ZMAT4: variants seen among roughly 807,000 people sequenced by gnomAD.
ZMAT4 encodes the protein zinc finger matrin-type protein 4.
Under a neutral mutation model 28.7 loss-of-function variants are expected in ZMAT4, and 17 were observed. That is an observed-to-expected ratio of 0.59 (90% confidence interval 0.41 to 0.89). The LOEUF is 0.89. Ranked by LOEUF, ZMAT4 falls within the 40% of genes least tolerant of loss-of-function variation. ZMAT4 has a pLI of 0.00. For missense variants in ZMAT4, 240 were observed against 283.8 expected, an observed-to-expected ratio of 0.85 and a Z score of 1.11; for synonymous variants, 117 against 109.2, an observed-to-expected ratio of 1.07 and a Z score of -0.44.
At chr8:40,568,009 A>G (rs942877051) in intron 6 of ZMAT4, among the ~76,000 whole-genome samples, 2 of 152,166 alleles carry the variant, frequency 1.3e-5, no homozygotes, top group Non-Finnish European at 2.9e-5. Context: ...GGGAAGAAAA[A>G]TAACCTTCCT....
intron 5 of ZMAT4, among the ~76,000 whole-genome samples, chr8:40,596,050 C>T (rs1805090654): frequency 1.3e-5 from 2 of 152,112 alleles, no homozygotes; most frequent in Admixed American, 1.3e-4. Flanking sequence ...CAAGATCGTG[C>T]CATTGCAGTC....
At chr8:40,672,040 T>C (rs938425636) in intron 5 of ZMAT4, among the ~76,000 whole-genome samples, 2 of 152,066 alleles carry the variant, frequency 1.3e-5, no homozygotes, top group African/African-American at 4.8e-5. Flanking sequence ...AAACCAGACA[T>C]AAATGCCTGC....
chr8:40,767,650 C>A lies in ZMAT4; in HGVS notation c.183G>T (p.Arg61=), dbSNP rs765998372. The change falls in exon 3 of 7, where the codon CGG becomes CGT. Residue 61 remains arginine (R), a synonymous_variant. Coordinates refer to ENST00000297737, the MANE Select transcript of ZMAT4 (RefSeq NM_024645.3). ...GGTACCAGATACTCACATTTTCTGA[C>A]CGGAGCCTCTTGGCAGGACACCCTC... ...RDGGCPAKRL[R]SENGSDADMV... The A allele has an allele frequency of 6.2e-7, 1 of 1,612,520 alleles. No individual in the cohort carries two copies. The highest frequency in any genetic ancestry group is 1.7e-5 in the Admixed American group (1 of 59,660).
At chr8:40,650,505 G>A (rs1025514715) in intron 5 of ZMAT4, among the ~76,000 whole-genome samples, 1 of 127,544 alleles carries the variant, frequency 7.8e-6, no homozygotes, top group Non-Finnish European at 1.7e-5. Flanking sequence ...GTACAAGGAG[G>A]AACTGGTACC....
At chr8:40,820,805 G>GGGGAT (rs1213006639) in intron 2 of ZMAT4, among the ~76,000 whole-genome samples, 70 of 112,526 alleles carry the variant, frequency 6.2e-4, no homozygotes, top group African/African-American at 1.8e-3. Flanking sequence ...GTGTATATAT[G>GGGGAT]TGTGGGTGTG....
At chr8:40,652,368 C>G (rs1331486817) in intron 5 of ZMAT4, among the ~76,000 whole-genome samples, 48 of 123,152 alleles carry the variant, frequency 3.9e-4, no homozygotes, top group African/African-American at 1.3e-3. Context: ...AAATGCAAAT[C>G]AAAACCACAA....
chr8:40,537,478 T>A (rs2118362964), intron 6 of ZMAT4, among the ~76,000 whole-genome samples: 1 of 152,286 alleles, frequency 6.6e-6, no homozygotes, highest in Middle Eastern at 3.4e-3. Flanking sequence ...CTCTTCTGCT[T>A]CCTAATACAT....
chr8:40,771,108 G>A (rs111703238), intron 2 of ZMAT4, among the ~76,000 whole-genome samples: 1,716 of 152,118 alleles, frequency 0.011, 22 homozygotes, highest in African/African-American at 0.038. Context: ...TAAAGCAGCC[G>A]TGGCATGCCC....
intron 5 of ZMAT4, among the ~76,000 whole-genome samples, chr8:40,606,193 G>A (rs1171649468): frequency 6.6e-6 from 1 of 152,150 alleles, no homozygotes; most frequent in Non-Finnish European, 1.5e-5. Context: ...ATTGAGATGA[G>A]AGGTACTATT....
rs545890863 is a variant in ZMAT4 at position 40,772,573 on chromosome 8, TAATGCTTCAGGCAGTCTTCAAA to T, written c.103-4865_103-4844del. 3.3e-3 allele frequency among the ~76,000 whole-genome samples: 501 copies of T among 152,370 alleles called. 3 individuals carry two copies. Among genetic ancestry groups the T allele is most frequent in the Non-Finnish European group, 6.0e-3 (410 of 68,040 alleles). ...ATAACAAAGCAACCTTGTATTTGCATAATGCTTCAGGCAGTCTTCAAAGTCCTTCCACCTTCATCATCTTATT... is the reference window on the plus strand; with the variant it reads ...ATAACAAAGCAACCTTGTATTTGCATGTCCTTCCACCTTCATCATCTTATT... On this transcript the variant is annotated intron_variant, in intron 2 of 6. Coordinates refer to ENST00000297737, the MANE Select transcript of ZMAT4 (RefSeq NM_024645.3).
intron 1 of ZMAT4, among the ~76,000 whole-genome samples, chr8:40,882,606 C>T (rs1219783261): frequency 6.6e-6 from 1 of 152,146 alleles, no homozygotes; most frequent in African/African-American, 2.4e-5. Flanking sequence ...TGCCTGCTGC[C>T]ACCACCACCA....
rs534616834 is a variant in ZMAT4 at position 40,681,125 on chromosome 8, C to T, written c.350-6194G>A. ...GAGATGAACCCACTAGTGTAGAGTC[C>T]CTTGATTAATAAGCAGCAGAGGAAG... On this transcript the variant is annotated intron_variant, in intron 4 of 6. Coordinates refer to ENST00000297737, the MANE Select transcript of ZMAT4 (RefSeq NM_024645.3). Among the ~76,000 whole-genome samples, 6 of 152,116 alleles carry T rather than the reference C, an allele frequency of 3.9e-5. No individual in the cohort carries two copies. The South Asian group carries it at 6.2e-4, about 16-fold the overall frequency.
rs1805871721 is a variant in ZMAT4, at chr8:40,613,239, G to C, written c.578-31978C>G. 5.5e-5 allele frequency among the ~76,000 whole-genome samples: 7 copies of C among 126,772 alleles called. No individual in the cohort carries two copies. In the South Asian group the frequency reaches 1.9e-3, roughly 34 times the overall value. The allele number at this position is 126,772 out of a possible 152,430, so 83.2% of individuals were successfully genotyped here. A position where few individuals can be genotyped will look rare whatever the true frequency, so the allele number is the denominator to read the frequency against. ...ACTCTGTCACTCAGGCTGGAGTACA[G>C]CAGTGGGATCTCAGCTCACTGAAAC... On this transcript the variant is annotated intron_variant, in intron 5 of 6. Transcript: ENST00000297737.
intron 6 of ZMAT4, among the ~76,000 whole-genome samples, chr8:40,544,981 G>A (rs931272256): frequency 3.9e-5 from 6 of 152,104 alleles, no homozygotes; most frequent in African/African-American, 1.2e-4. Flanking sequence ...CCAAGATTAG[G>A]TTATAAAATA....
chr8:40,704,619 G>C (rs763904263), intron 3 of ZMAT4, among the ~76,000 whole-genome samples: 19 of 152,178 alleles, frequency 1.2e-4, no homozygotes, highest in Non-Finnish European at 2.4e-4. Flanking sequence ...AAGAACTTTA[G>C]AAGTTATCCT....
chr8:40,642,782 T>A (rs930120937), intron 5 of ZMAT4, among the ~76,000 whole-genome samples: 1 of 152,190 alleles, frequency 6.6e-6, no homozygotes, highest in African/African-American at 2.4e-5. Context: ...AGCACTGCCG[T>A]GCATATGCTC....
intron 6 of ZMAT4, among the ~76,000 whole-genome samples, chr8:40,560,751 G>A (rs1803710536): frequency 6.6e-6 from 1 of 152,060 alleles, no homozygotes; most frequent in Admixed American, 6.6e-5. Flanking sequence ...ATGACTTCGA[G>A]ACTACAAGTT....
chr8:40,676,868 A>G (rs1044272239), intron 4 of ZMAT4, among the ~76,000 whole-genome samples: 3 of 152,158 alleles, frequency 2.0e-5, no homozygotes, highest in Admixed American at 2.0e-4. Context: ...GCCACCCAGT[A>G]TCATTCTGCT....
chr8:40,811,500 G>A (rs189085838), intron 2 of ZMAT4, among the ~76,000 whole-genome samples: 83 of 152,244 alleles, frequency 5.5e-4, no homozygotes, highest in African/African-American at 1.8e-3. Flanking sequence ...TGGGGTAATC[G>A]GAAGCCAACG....
Sources: allele counts gnomAD v4.1 joint callset (sites outside exome capture counted in the v4.1 genomes callset), GRCh38; gene constraint gnomAD v4.1.1; transcripts MANE v1.5; gene names NCBI Gene and HGNC (gene_info 2026-07-23, HGNC 2026-07-21).